PLCE1: variants seen among roughly 807,000 people sequenced by gnomAD.
The protein encoded by PLCE1 is phospholipase C epsilon 1.
Under a neutral mutation model 242.8 loss-of-function variants are expected in PLCE1, and 119 were observed. The observed-to-expected ratio is 0.49, with a 90% CI of 0.42 to 0.57. The LOEUF (loss-of-function observed/expected upper bound fraction) is 0.57, where lower values mean the gene tolerates loss of function less well. Ranked by LOEUF, PLCE1 falls within the 20% of genes least tolerant of loss-of-function variation. PLCE1 has a pLI of 0.00. For synonymous variants in PLCE1, 945 were observed against 1,017.4 expected (o/e 0.93, Z 1.35); for missense variants, 2,441 against 2,788.8 (o/e 0.88, Z 2.81).
intron 2 of PLCE1, among the ~76,000 whole-genome samples, chr10:94,054,978 C>CT (rs2134855019): frequency 6.8e-6 from 1 of 146,970 alleles, no homozygotes; most frequent in Admixed American, 6.8e-5. Flanking sequence ...GGCCACTGCA[C>CT]TCCAGCCTGG....
rs148922094 is a variant in PLCE1 at position 94,172,948 on chromosome 10, G to A, written c.1809+1452G>A. On this transcript the variant is annotated intron_variant, in intron 4 of 32. Transcript: ENST00000371380. ...CCATGATAAGGCCCATGAATACAAC[G>A]AGTGTTAGAGGCTGAGCTCAAGCGG... 4.2e-3 allele frequency among the ~76,000 whole-genome samples: 635 copies of A among 152,304 alleles called. 5 individuals carry two copies. The highest frequency in any genetic ancestry group is 0.013 in the African/African-American group (549 of 41,562).
At chr10:94,167,825 A>G (rs1276897670) in intron 3 of PLCE1, among the ~76,000 whole-genome samples, 1 of 151,958 alleles carries the variant, frequency 6.6e-6, no homozygotes, top group Non-Finnish European at 1.5e-5. Context: ...AGCTGGGATT[A>G]CAGGCACCCA....
chr10:94,137,737 G>C (rs2046828085), intron 3 of PLCE1: 1 of 175,106 alleles, frequency 5.7e-6, no homozygotes, highest in Admixed American at 6.2e-5. Context: ...TCTGACAGAT[G>C]GAGGCCAGCA....
chr10:94,253,415 G>T (rs540100407), intron 9 of PLCE1, among the ~76,000 whole-genome samples: 1 of 152,206 alleles, frequency 6.6e-6, no homozygotes, highest in South Asian at 2.1e-4. Flanking sequence ...GTGCAGTGGT[G>T]TGATCATGGC....
chr10:94,192,702 G>A (rs919263177), intron 4 of PLCE1, among the ~76,000 whole-genome samples: 2 of 152,152 alleles, frequency 1.3e-5, no homozygotes, highest in Non-Finnish European at 2.9e-5. Flanking sequence ...ACCCAGCAAT[G>A]AGATTGCTGG....
At chr10:94,026,455 C>T (rs556665827) in intron 1 of PLCE1, among the ~76,000 whole-genome samples, 176 of 152,218 alleles carry the variant, frequency 1.2e-3, no homozygotes, top group South Asian at 2.3e-3. Flanking sequence ...AGAAGAATCC[C>T]TTTTTCCATC....
At chr10:94,214,444 C>T (rs1589361229) in intron 4 of PLCE1, among the ~76,000 whole-genome samples, 1 of 152,262 alleles carries the variant, frequency 6.6e-6, no homozygotes, top group South Asian at 2.1e-4. Context: ...GATGCTCACC[C>T]AACATATATG....
chr10:94,190,665 A>G (rs1000755818), intron 4 of PLCE1, among the ~76,000 whole-genome samples: 2 of 152,264 alleles, frequency 1.3e-5, no homozygotes, highest in African/African-American at 2.4e-5. Context: ...TGCCTGGCAC[A>G]TAGTAGGTGT....
At chr10:94,271,758 C>T (rs767457932) in intron 18 of PLCE1, among the ~76,000 whole-genome samples, 2 of 152,118 alleles carry the variant, frequency 1.3e-5, no homozygotes, top group East Asian at 1.9e-4. Context: ...AATGTTTCAA[C>T]GTAGGTTCTT....
chr10:94,052,452 T>C (rs545235023), intron 2 of PLCE1, among the ~76,000 whole-genome samples: 1 of 152,222 alleles, frequency 6.6e-6, no homozygotes, highest in Non-Finnish European at 1.5e-5. Context: ...TACTCTGTAT[T>C]GCCTGACTGT....
intron 23 of PLCE1, among the ~76,000 whole-genome samples, chr10:94,297,380 T>TATAC (rs2052864912): frequency 6.6e-6 from 1 of 152,012 alleles, no homozygotes; most frequent in Non-Finnish European, 1.5e-5. Flanking sequence ...CTTATGGGTA[T>TATAC]GGTCCATGGC....
At chr10:94,099,195 C>T (rs1204054307) in intron 2 of PLCE1, among the ~76,000 whole-genome samples, 1 of 152,180 alleles carries the variant, frequency 6.6e-6, no homozygotes, top group Non-Finnish European at 1.5e-5. Context: ...AACCTAATTC[C>T]TCTTCTTTAA....
chr10:94,215,517 C>A (rs978694615), intron 4 of PLCE1, among the ~76,000 whole-genome samples: 2 of 152,050 alleles, frequency 1.3e-5, no homozygotes, highest in Non-Finnish European at 2.9e-5. Context: ...TCAGGGACGG[C>A]CTCCTGGAGA....
At chr10:94,185,531 G>T (rs1273720970) in intron 4 of PLCE1, among the ~76,000 whole-genome samples, 2 of 152,160 alleles carry the variant, frequency 1.3e-5, no homozygotes, top group Non-Finnish European at 2.9e-5. Context: ...TGAACATGGG[G>T]TTCTGCCACT....
rs560899040 is a variant in PLCE1, at chr10:94,296,085, G to A, written c.5168-2294G>A. 4.6e-5 allele frequency among the ~76,000 whole-genome samples: 7 copies of A among 152,236 alleles called. No individual in the cohort carries two copies. In the East Asian group the frequency reaches 5.8e-4, roughly 13 times the overall value. The stretch of plus-strand genomic sequence containing the variant: ...TACAATAAAAAGTTGTTGTTTGGCC[G>A]GGTGTGGTGGCTCATGCCTGTAATC... On this transcript the variant is annotated intron_variant, in intron 23 of 32. Coordinates refer to ENST00000371380, the MANE Select transcript of PLCE1 (RefSeq NM_016341.4).
intron 24 of PLCE1, among the ~76,000 whole-genome samples, chr10:94,300,888 C>T (rs1211010329): frequency 1.3e-5 from 2 of 151,910 alleles, no homozygotes; most frequent in Non-Finnish European, 2.9e-5. Context: ...TGGTGAAACC[C>T]CATCTCTACT....
At chr10:94,319,388 A>T (rs367951255) in intron 29 of PLCE1, among the ~76,000 whole-genome samples, 1 of 152,242 alleles carries the variant, frequency 6.6e-6, no homozygotes, top group Non-Finnish European at 1.5e-5. Context: ...GATTTGGGCT[A>T]TAAGTATTTC....
chr10:94,117,370 T>A (rs2046164536), intron 2 of PLCE1, among the ~76,000 whole-genome samples: 1 of 152,198 alleles, frequency 6.6e-6, no homozygotes, highest in South Asian at 2.1e-4. Context: ...TTCTTCCAGC[T>A]CAGCATCACA....
intron 3 of PLCE1, chr10:94,138,233 G>A: frequency 3.1e-6 from 1 of 326,184 alleles, no homozygotes; most frequent in Admixed American, 4.0e-5. Flanking sequence ...ATCACCAGGG[G>A]GTGCTGCATA....
Sources: gnomAD v4.1 joint callset for allele counts (sites outside exome capture counted in the v4.1 genomes callset) on GRCh38, gnomAD v4.1.1 for gene constraint, MANE v1.5 for transcripts, NCBI Gene and HGNC (gene_info 2026-07-23, HGNC 2026-07-21) for gene names.